GSN: variants seen among roughly 807,000 people sequenced by gnomAD.
GSN encodes actin-depolymerizing factor.
A neutral mutation model predicts 85.7 loss-of-function variants in GSN; 56 were observed. The ratio of observed to expected loss-of-function variants is 0.65; its 90% confidence interval spans 0.53 to 0.82. The LOEUF (loss-of-function observed/expected upper bound fraction) is 0.82, where lower values mean the gene tolerates loss of function less well. Among genes scored for constraint, GSN ranks in the 40% least tolerant of loss-of-function variants. The pLI, the probability that GSN is intolerant of heterozygous loss-of-function variation, is 0.00. For synonymous variants in GSN, 373 were observed against 399.1 expected (o/e 0.93, Z 0.78); for missense variants, 857 against 979.8 (o/e 0.87, Z 1.67).
intron 4 of GSN, among the ~76,000 whole-genome samples, chr9:121,214,317 T>G (rs1469196885): frequency 2.6e-5 from 4 of 151,984 alleles, no homozygotes; most frequent in African/African-American, 4.8e-5. Context: ...CTTCCTCTTC[T>G]TCCTTTTCTT....
chr9:121,244,202 A>G (rs1244255819), intron 5 of GSN, among the ~76,000 whole-genome samples: 3 of 152,212 alleles, frequency 2.0e-5, no homozygotes, highest in African/African-American at 7.2e-5. Flanking sequence ...TTGGGTAGCA[A>G]TTAGATTAAA....
chr9:121,314,524 C>T (rs1046230306), intron 7 of GSN, among the ~76,000 whole-genome samples: 6 of 152,180 alleles, frequency 3.9e-5, no homozygotes, highest in Non-Finnish European at 7.3e-5. Flanking sequence ...TGGGAGAAAG[C>T]TCAATCACAC....
intron 5 of GSN, among the ~76,000 whole-genome samples, chr9:121,247,593 A>G (rs1340287781): frequency 1.3e-5 from 2 of 152,220 alleles, no homozygotes; most frequent in Non-Finnish European, 2.9e-5. Context: ...GAGAGAAGTG[A>G]GTAGAAAATG....
chr9:121,323,902 A>G (rs1183578407), intron 11 of GSN, among the ~76,000 whole-genome samples: 1 of 152,094 alleles, frequency 6.6e-6, no homozygotes. Flanking sequence ...TAACACATTC[A>G]CCTGGTACAA....
At chr9:121,247,877 CCACCCCCAGTGCCCACCA>C (rs1167795170) in intron 5 of GSN, among the ~76,000 whole-genome samples, 3 of 143,770 alleles carry the variant, frequency 2.1e-5, no homozygotes, top group Non-Finnish European at 4.7e-5. Flanking sequence ...CCCCACCCCA[CCACCCCCAGTGCCCACCA>C]CACCCCGCCA....
At chr9:121,233,901 C>T (rs1342789697) in intron 5 of GSN, among the ~76,000 whole-genome samples, 2 of 152,184 alleles carry the variant, frequency 1.3e-5, no homozygotes, top group East Asian at 3.8e-4. Flanking sequence ...AGTTTGCCTT[C>T]ACTGAGCAAC....
chr9:121,247,518 T>A (rs1350790877), intron 5 of GSN, among the ~76,000 whole-genome samples: 3 of 152,246 alleles, frequency 2.0e-5, no homozygotes, highest in Non-Finnish European at 1.5e-5. Flanking sequence ...TTTTTCTTCA[T>A]CTTCCATTGC....
At chr9:121,237,137 G>C (rs567733420) in intron 5 of GSN, among the ~76,000 whole-genome samples, 8 of 152,308 alleles carry the variant, frequency 5.3e-5, no homozygotes, top group Middle Eastern at 6.8e-3. Flanking sequence ...AAAAGTTGCA[G>C]GATTTTGTGT....
At chr9:121,209,475 T>C (rs2053935948) in intron 2 of GSN, 1 of 152,164 alleles carries the variant, frequency 6.6e-6, no homozygotes, top group Non-Finnish European at 1.5e-5. Flanking sequence ...GCAAGCATAA[T>C]AGTGCCTACA....
At chr9:121,326,977 C>T (rs2063281126) in intron 13 of GSN, among the ~76,000 whole-genome samples, 1 of 152,174 alleles carries the variant, frequency 6.6e-6, no homozygotes, top group South Asian at 2.1e-4. Flanking sequence ...ATCCCTTTCA[C>T]GGAGGAAGGC....
At chr9:121,317,841 A>G (rs548289923) in intron 8 of GSN, 105 of 189,180 alleles carry the variant, frequency 5.6e-4, no homozygotes, top group South Asian at 5.1e-3. Context: ...AGAGAAAGGG[A>G]GACGGTGGGG....
intron 4 of GSN, chr9:121,310,208 G>A (rs115614991): frequency 1.2e-3 from 280 of 230,932 alleles, no homozygotes; most frequent in Middle Eastern, 5.1e-3. Context: ...GCACATGCGC[G>A]TTGTATAACA....
intron 3 of GSN, 70 bp downstream of exon 3, chr9:121,302,237 C>T: frequency 1.3e-6 from 2 of 1,528,596 alleles, no homozygotes; most frequent in South Asian, 2.2e-5. Flanking sequence ...GGGGCATGGT[C>T]CCCAGGGAGG....
chr9:121,315,719 C>T (rs2133588433), intron 7 of GSN, among the ~76,000 whole-genome samples: 1 of 152,244 alleles, frequency 6.6e-6, no homozygotes, highest in Middle Eastern at 3.4e-3. Context: ...TGAGATAGTG[C>T]CATTGCACTC....
chr9:121,302,333 C>T (rs2059971678), intron 3 of GSN, among the ~76,000 whole-genome samples, 166 bp downstream of exon 3: 1 of 152,200 alleles, frequency 6.6e-6, no homozygotes, highest in South Asian at 2.1e-4. Context: ...TGGCCAAGTT[C>T]ACACCCCCAC....
intron 11 of GSN, among the ~76,000 whole-genome samples, chr9:121,323,488 G>T (rs2062758583): frequency 6.7e-6 from 1 of 149,742 alleles, no homozygotes; most frequent in African/African-American, 2.5e-5. Flanking sequence ...TCCTGCCTCA[G>T]CCTCCTGAGT....
At chr9:121,313,827 G>T in intron 6 of GSN, 107 bp from the exon 7 acceptor site, 1 of 864,466 alleles carries the variant, frequency 1.2e-6, no homozygotes, top group South Asian at 1.3e-5. Context: ...TCCATGGGGA[G>T]GGTCACAGTG....
chr9:121,268,778 C>T (rs1465538734), intron 1 of GSN, among the ~76,000 whole-genome samples: 1 of 152,208 alleles, frequency 6.6e-6, no homozygotes, highest in East Asian at 1.9e-4. Context: ...CCCGGCCCTG[C>T]AGTGTTCCCT....
intron 8 of GSN, chr9:121,317,692 A>C (rs2061882319): frequency 4.0e-6 from 1 of 247,554 alleles, no homozygotes; most frequent in Non-Finnish European, 8.0e-6. Context: ...TCTTGTGGGA[A>C]TTCTCTTGGA....
Sources: gnomAD v4.1 joint callset for allele counts (sites outside exome capture counted in the v4.1 genomes callset) on GRCh38, gnomAD v4.1.1 for gene constraint, MANE v1.5 for transcripts, NCBI Gene and HGNC (gene_info 2026-07-23, HGNC 2026-07-21) for gene names.